PROS1: variants seen among roughly 807,000 people sequenced by gnomAD.
PROS1 encodes protein S.
A neutral mutation model predicts 75.9 loss-of-function variants in PROS1; 29 were observed. The observed-to-expected ratio is 0.38, with a 90% confidence interval of 0.28 to 0.52. The LOEUF (loss-of-function observed/expected upper bound fraction) is 0.52, where lower values mean the gene tolerates loss of function less well. Ranked by LOEUF, PROS1 falls within the 20% of genes least tolerant of loss-of-function variation. The probability of loss-of-function intolerance (pLI) is 0.83; values close to 1 mark genes in which losing one functional copy is unlikely to be tolerated. For missense variants in PROS1, 680 were observed against 810.3 expected, an observed-to-expected ratio of 0.84 and a Z score of 1.95; for synonymous variants, 245 against 280.6, an observed-to-expected ratio of 0.87 and a Z score of 1.27.
chr3:93,878,353 C>G lies in PROS1; in HGVS notation c.1644+810G>C, dbSNP rs145860015. Among the ~76,000 whole-genome samples, 175 of 152,272 alleles carry G rather than the reference C, an allele frequency of 1.1e-3. 1 individual carries two copies. Among genetic ancestry groups the G allele is most frequent in the African/African-American group, 4.0e-3 (168 of 41,562 alleles). Reference sequence around the variant, plus strand: ...ACTTATGGTTAACCACCAGAAACTTCCCATCCTCCTCCCTGAATCATACTT... The same window carrying G: ...ACTTATGGTTAACCACCAGAAACTTGCCATCCTCCTCCCTGAATCATACTT... On this transcript the variant is annotated intron_variant, in intron 13 of 14. Coordinates refer to ENST00000394236, the MANE Select transcript of PROS1 (RefSeq NM_000313.4).
At position 93,905,965 on chromosome 3, in the gene PROS1, G is replaced by A. The variant is rs748164172; in HGVS notation, c.470-50C>T. 1.4e-5 allele frequency: 23 copies of A among 1,613,432 alleles called. 1 individual carries two copies. The South Asian group carries it at 2.4e-4, about 17-fold the overall frequency. On this transcript the variant is annotated intron_variant, in intron 5 of 14. Transcript: ENST00000394236. ...TTTTTAAAGTAATATAACCTGCAGA[G>A]AACTTTTCAGGAGACCAATCCTGAT...
intron 10 of PROS1, among the ~76,000 whole-genome samples, chr3:93,890,708 T>A (rs1380129368): frequency 6.6e-6 from 1 of 152,192 alleles, no homozygotes; most frequent in Admixed American, 6.5e-5. Context: ...ACTCAGGAAC[T>A]TAGCATCAAA....
chr3:93,874,439 G>T (rs911167872), intron 14 of PROS1, 34 bp from the exon 15 acceptor site: 4 of 1,610,910 alleles, frequency 2.5e-6, no homozygotes. Context: ...ATTAGTCCAA[G>T]ACTTTTAGCA....
At chr3:93,968,912 G>C (rs1227288930) in intron 1 of PROS1, among the ~76,000 whole-genome samples, 1 of 152,060 alleles carries the variant, frequency 6.6e-6, no homozygotes. Context: ...GACAATAAGG[G>C]CTCGGATTCT....
At chr3:93,881,241 G>C (rs1432528273) in intron 12 of PROS1, among the ~76,000 whole-genome samples, 1 of 152,154 alleles carries the variant, frequency 6.6e-6, no homozygotes, top group East Asian at 1.9e-4. Flanking sequence ...AGGATTGCTT[G>C]AGCCCAGAAG....
At chr3:93,948,347 A>G (rs1709438758) in intron 1 of PROS1, among the ~76,000 whole-genome samples, 2 of 152,182 alleles carry the variant, frequency 1.3e-5, no homozygotes, top group South Asian at 4.1e-4. Flanking sequence ...ATAAGAAGTT[A>G]TAAGTGCAAT....
chr3:93,913,562 A>T (rs1025268722), intron 3 of PROS1, among the ~76,000 whole-genome samples: 1 of 152,204 alleles, frequency 6.6e-6, no homozygotes, highest in Non-Finnish European at 1.5e-5. Flanking sequence ...GTATGTCTTT[A>T]TTAGCAACAT....
At chr3:93,910,345 G>C (rs1289145766) in intron 4 of PROS1, among the ~76,000 whole-genome samples, 1 of 152,160 alleles carries the variant, frequency 6.6e-6, no homozygotes, top group East Asian at 1.9e-4. Context: ...AAATAAAGCT[G>C]TTGGGAATAA....
chr3:93,900,998 A>G, intron 6 of PROS1, 69 bp from the exon 7 acceptor site: 1 of 1,544,262 alleles, frequency 6.5e-7, no homozygotes, highest in African/African-American at 1.4e-5. Flanking sequence ...AGAACCCTTG[A>G]TTTGTGTTTC....
intron 14 of PROS1, among the ~76,000 whole-genome samples, chr3:93,876,355 G>A (rs1265015117): frequency 2.6e-5 from 4 of 152,118 alleles, no homozygotes; most frequent in East Asian, 1.9e-4. Context: ...TTGGGAGGCC[G>A]AGGCGAGCGG....
chr3:93,892,062 G>T (rs1395573851), intron 10 of PROS1, among the ~76,000 whole-genome samples: 6 of 152,132 alleles, frequency 3.9e-5, no homozygotes, highest in Non-Finnish European at 8.8e-5. Context: ...GGGTGTGGTT[G>T]CTCACTCTTG....
At chr3:93,949,066 T>C (rs1427979790) in intron 1 of PROS1, among the ~76,000 whole-genome samples, 2 of 152,172 alleles carry the variant, frequency 1.3e-5, no homozygotes, top group Non-Finnish European at 2.9e-5. Flanking sequence ...TGGACCAATG[T>C]CTCTAAATTG....
At chr3:93,932,650 G>A (rs538553581) in intron 1 of PROS1, among the ~76,000 whole-genome samples, 1 of 152,300 alleles carries the variant, frequency 6.6e-6, no homozygotes, top group Non-Finnish European at 1.5e-5. Context: ...AATTCTCTTT[G>A]AAATTGTATT....
rs150180116 is a variant in PROS1 at position 93,947,827 on chromosome 3, A to G, written c.77-20420T>C. Among the ~76,000 whole-genome samples, 978 of 152,172 alleles carry G rather than the reference A, an allele frequency of 6.4e-3. 6 individuals carry two copies. Among genetic ancestry groups the G allele is most frequent in the Non-Finnish European group, 9.7e-3 (660 of 67,998 alleles). On this transcript the variant is annotated intron_variant, in intron 1 of 14. Transcript: ENST00000394236. ...CGTGATCTGCCCGCCTCGGCCTCTC[A>G]AAGTTGCTGGAATTACAGGTGTGAG...
At chr3:93,947,851 A>C (rs1709429840) in intron 1 of PROS1, among the ~76,000 whole-genome samples, 1 of 152,012 alleles carries the variant, frequency 6.6e-6, no homozygotes, top group Admixed American at 6.6e-5. Flanking sequence ...TACAGGTGTG[A>C]GCCACCACAC....
intron 11 of PROS1, 27 bp from the exon 12 acceptor site, chr3:93,884,923 A>T: frequency 6.3e-7 from 1 of 1,598,542 alleles, no homozygotes; most frequent in Admixed American, 1.7e-5. Flanking sequence ...CAAGTCAAGG[A>T]GTGCATTTTA....
chr3:93,971,241 G>T (rs1709876235), intron 1 of PROS1, among the ~76,000 whole-genome samples: 1 of 151,524 alleles, frequency 6.6e-6, no homozygotes, highest in African/African-American at 2.4e-5. Flanking sequence ...CCAGCTACTT[G>T]GGAGGCTGAG....
intron 12 of PROS1, among the ~76,000 whole-genome samples, chr3:93,881,206 T>C (rs1393286015): frequency 2.0e-5 from 3 of 151,894 alleles, no homozygotes; most frequent in Non-Finnish European, 4.4e-5. Context: ...GCTGTAGTCC[T>C]AGCTACTTGG....
At chr3:93,901,645 T>A (rs954478065) in intron 6 of PROS1, among the ~76,000 whole-genome samples, 1 of 152,194 alleles carries the variant, frequency 6.6e-6, no homozygotes, top group Non-Finnish European at 1.5e-5. Context: ...ACAGAAAATA[T>A]GTTTTCTATT....
Sources: gnomAD v4.1 joint callset for allele counts (sites outside exome capture counted in the v4.1 genomes callset) on GRCh38, gnomAD v4.1.1 for gene constraint, MANE v1.5 for transcripts, NCBI Gene and HGNC (gene_info 2026-07-23, HGNC 2026-07-21) for gene names.